Variants in ITSN1 observed in about 807,000 individuals in gnomAD.
The protein encoded by ITSN1 is intersectin 1.
Under a neutral mutation model 239.8 loss-of-function variants are expected in ITSN1, and 58 were observed. The ratio of observed to expected loss-of-function variants is 0.24; its 90% CI spans 0.20 to 0.30. ITSN1 has a LOEUF of 0.30. Ranked by LOEUF, ITSN1 falls within the 10% of genes least tolerant of loss-of-function variation. The probability of loss-of-function intolerance (pLI) is 1.00; values close to 1 mark genes in which losing one functional copy is unlikely to be tolerated. For synonymous variants in ITSN1, 780 were observed against 770.8 expected (o/e 1.01, Z -0.20); for missense variants, 1,558 against 2,103.3 (o/e 0.74, Z 5.07).
At chr21:33,887,156 A>G (rs567342075) in intron 39 of ITSN1, among the ~76,000 whole-genome samples, 8 of 152,064 alleles carry the variant, frequency 5.3e-5, no homozygotes, top group African/African-American at 1.9e-4. Flanking sequence ...TGTCTCTACA[A>G]AAAAATACAA....
Position 33,882,063 on chromosome 21 carries a change from C to G in ITSN1, c.4342-180C>G, listed in dbSNP as rs1249407207. The stretch of plus-strand genomic sequence containing the variant: ...TGAGACTCTTCTTGATACTTGGAAT[C>G]CCCTGAACTGTGCCTTTGTCTGACT... On this transcript the variant is annotated intron_variant, in intron 34 of 39. Coordinates refer to ENST00000381318, the MANE Select transcript of ITSN1 (RefSeq NM_003024.3). This position sits in a 1 kb window ranked among gnomAD's most constrained non-coding sequence, Gnocchi z 4.5. Among the ~76,000 whole-genome samples the G allele has an allele frequency of 6.6e-6, 1 of 152,086 alleles. No individual in the cohort carries two copies. The highest frequency in any genetic ancestry group is 2.4e-5 in the African/African-American group (1 of 41,400).
At chr21:33,820,283 A>G (rs2073585493) in intron 24 of ITSN1, among the ~76,000 whole-genome samples, 1 of 152,204 alleles carries the variant, frequency 6.6e-6, no homozygotes, top group Non-Finnish European at 1.5e-5. Context: ...AAAATCTCAC[A>G]TCTTTTTTAC....
chr21:33,652,265 C>T (rs1282829220), intron 1 of ITSN1, among the ~76,000 whole-genome samples: 5 of 152,100 alleles, frequency 3.3e-5, no homozygotes, highest in African/African-American at 7.3e-5. Context: ...GGTGTTACTA[C>T]ACCTTATAGT....
chr21:33,779,996 T>C (rs2070021466), intron 14 of ITSN1, among the ~76,000 whole-genome samples: 1 of 152,190 alleles, frequency 6.6e-6, no homozygotes, highest in Non-Finnish European at 1.5e-5. Context: ...CACGCCTGGC[T>C]AATTTTTATA....
At chr21:33,648,897 GAGAA>G (rs927635575) in intron 1 of ITSN1, among the ~76,000 whole-genome samples, 22 of 151,872 alleles carry the variant, frequency 1.4e-4, no homozygotes, top group African/African-American at 4.6e-4. Flanking sequence ...GAGAAGGAAG[GAGAA>G]AGAAAGAGGA....
At chr21:33,800,365 C>CACACACA (rs1455923888) in intron 19 of ITSN1, among the ~76,000 whole-genome samples, 1 of 151,688 alleles carries the variant, frequency 6.6e-6, no homozygotes, top group African/African-American at 2.4e-5. Context: ...CATATATATA[C>CACACACA]ACACACAAAA....
In ITSN1 at chr21:33,811,055, T is replaced by C. The variant is rs1414286241; in HGVS notation, c.2400T>C (p.Tyr800=). 1.9e-6 allele frequency: 3 copies of C among 1,614,070 alleles called. No individual in the cohort carries two copies. Among genetic ancestry groups the C allele is most frequent in the African/African-American group, 2.7e-5 (2 of 74,920 alleles). ...KGKTGWFPAN[Y]AEKIPENEVP... ...AGACAGGGTGGTTCCCTGCAAACTA[T>C]GCAGAGAAAATCCCAGAAAATGAGG... The change falls in exon 21 of 40, where the codon TAT becomes TAC. Residue 800 remains tyrosine, a synonymous_variant. Coordinates refer to ENST00000381318, the MANE Select transcript of ITSN1 (RefSeq NM_003024.3).
chr21:33,883,422 C>T (rs1985256120), intron 35 of ITSN1, 128 bp from the exon 36 acceptor site: 2 of 1,260,016 alleles, frequency 1.6e-6, no homozygotes, highest in Non-Finnish European at 2.2e-6. Flanking sequence ...CACGAGTGTG[C>T]ACACACGCGC....
chr21:33,831,047 A>G (rs1569270431), intron 27 of ITSN1, among the ~76,000 whole-genome samples: 1 of 152,198 alleles, frequency 6.6e-6, no homozygotes, highest in Non-Finnish European at 1.5e-5. Flanking sequence ...TCATTTCTAA[A>G]TAAAAAGTTG....
rs1391103034 is a variant in ITSN1, at chr21:33,885,471, T to G, written c.4792T>G (p.Leu1598Val). The change falls in exon 38 of 40, where the codon TTG (leucine) becomes GTG (valine). Residue 1598 changes from leucine (L) to valine (V), a missense_variant. Physicochemically the swap from Leu to Val is conservative, Grantham distance 32 (BLOSUM62 1). This residue lies in a region of ITSN1 where 576 missense variants were observed against 893.3 expected (regional missense o/e 0.64). Coordinates refer to ENST00000381318, the MANE Select transcript of ITSN1 (RefSeq NM_003024.3). ...CCAAAGGGCAACAGGCATTGGAAGG[T>G]TGATGGTGAACGTGGTTGAAGGCAT... Reference protein sequence around the residue: ...RSQRATGIGRLMVNVVEGIEL... With the variant: ...RSQRATGIGRVMVNVVEGIEL... 1.9e-6 allele frequency: 3 copies of G among 1,614,002 alleles called. No homozygotes were observed. Among genetic ancestry groups the G allele is most frequent in the Non-Finnish European group, 2.5e-6 (3 of 1,180,038 alleles).
At chr21:33,741,406 A>G (rs2066838918) in intron 5 of ITSN1, among the ~76,000 whole-genome samples, 1 of 152,222 alleles carries the variant, frequency 6.6e-6, no homozygotes, top group Non-Finnish European at 1.5e-5. Context: ...AACCTGATAC[A>G]TGTTGCTATG....
At chr21:33,873,926 C>A (rs914429417) in intron 33 of ITSN1, among the ~76,000 whole-genome samples, 2 of 150,226 alleles carry the variant, frequency 1.3e-5, no homozygotes, top group African/African-American at 4.9e-5. Flanking sequence ...TTTGGGAGGC[C>A]GAGGCAGGCA....
At chr21:33,860,576 T>A (rs983596177) in intron 31 of ITSN1, among the ~76,000 whole-genome samples, 1 of 152,202 alleles carries the variant, frequency 6.6e-6, no homozygotes, top group African/African-American at 2.4e-5. Flanking sequence ...CAGGCCTGCG[T>A]GCTTCTTCCT....
chr21:33,772,509 A>G (rs2069244980), intron 12 of ITSN1, among the ~76,000 whole-genome samples, 186 bp downstream of exon 12: 1 of 152,140 alleles, frequency 6.6e-6, no homozygotes, highest in Non-Finnish European at 1.5e-5. Flanking sequence ...TTTACCCATT[A>G]AGCAGCTACT....
intron 29 of ITSN1, among the ~76,000 whole-genome samples, chr21:33,840,372 AT>A (rs3216561): frequency 0.1 from 15,057 of 147,838 alleles, 875 homozygotes; most frequent in African/African-American, 0.14. Context: ...TTGTTTTTTA[AT>A]TTTTTTTTTT....
intron 1 of ITSN1, among the ~76,000 whole-genome samples, chr21:33,696,036 C>G (rs2091777616): frequency 6.6e-6 from 1 of 152,156 alleles, no homozygotes; most frequent in Non-Finnish European, 1.5e-5. Flanking sequence ...GTTTTTAGTT[C>G]TAAAACTTCT....
chr21:33,700,720 A>G (rs763785502), intron 1 of ITSN1, among the ~76,000 whole-genome samples: 32 of 152,030 alleles, frequency 2.1e-4, no homozygotes, highest in Non-Finnish European at 4.0e-4. Flanking sequence ...CCCCTTCTGT[A>G]AATTTTGCCT....
intron 29 of ITSN1, among the ~76,000 whole-genome samples, chr21:33,851,691 A>G (rs111846453): frequency 0.096 from 12,852 of 134,038 alleles, 1,025 homozygotes; most frequent in African/African-American, 0.24. Flanking sequence ...GAGCCACTGC[A>G]CCCGGCCTGG....
At chr21:33,775,172 C>T (rs982855499) in intron 14 of ITSN1, 64 bp downstream of exon 14, 27 of 1,513,762 alleles carry the variant, frequency 1.8e-5, no homozygotes, top group Admixed American at 1.5e-4. Flanking sequence ...TAATTCATTT[C>T]ATTTACTTAC....
Sources: gnomAD v4.1 joint callset for allele counts (sites outside exome capture counted in the v4.1 genomes callset) on GRCh38, gnomAD v4.1.1 for gene constraint, gnomAD v4.1.1 regional missense constraint, Gnocchi (gnomAD v3.1) non-coding constraint, MANE v1.5 for transcripts, NCBI Gene and HGNC (gene_info 2026-07-23, HGNC 2026-07-21) for gene names.